The following NEBL variants were observed in gnomAD, a reference collection of about 807,000 sequenced individuals.
NEBL encodes the protein LIM and SH3 protein 2.
In NEBL, 122 loss-of-function variants were observed where a neutral mutation model predicts 140.2. That is an observed-to-expected ratio of 0.87 (90% CI 0.75 to 1.01). NEBL has a LOEUF of 1.01. Among genes scored for constraint, NEBL ranks in the 50% least tolerant of loss-of-function variants. The probability of loss-of-function intolerance (pLI) is 0.00; values close to 1 mark genes in which losing one functional copy is unlikely to be tolerated. For synonymous variants in NEBL, 436 were observed against 398.9 expected (o/e 1.09, Z -1.11); for missense variants, 1,365 against 1,231.3 (o/e 1.11, Z -1.62).
intron 2 of NEBL, among the ~76,000 whole-genome samples, chr10:21,112,287 A>C (rs1234442309): frequency 6.6e-6 from 1 of 152,218 alleles, no homozygotes; most frequent in Non-Finnish European, 1.5e-5. Context: ...AGACACATGC[A>C]CACATATGTT....
chr10:21,140,187 T>C (rs1589275595), intron 2 of NEBL, among the ~76,000 whole-genome samples: 1 of 151,802 alleles, frequency 6.6e-6, no homozygotes, highest in East Asian at 1.9e-4. Context: ...AATAATAATA[T>C]ATAAGGTGTA....
rs1564347222 is a variant in NEBL, at chr10:20,814,027, T to C, written c.2258A>G (p.Asp753Gly). 1.2e-6 allele frequency: 2 copies of C among 1,603,344 alleles called. No homozygotes were observed. Among genetic ancestry groups the C allele is most frequent in the Non-Finnish European group, 1.7e-6 (2 of 1,170,256 alleles). The change falls in exon 23 of 28, where the codon GAC (aspartate) becomes GGC (glycine). Residue 753 changes from aspartate to glycine, a missense_variant. Coordinates refer to ENST00000377122, the MANE Select transcript of NEBL (RefSeq NM_006393.3). ...ENISSVKYTQDHKQMKGRPSL... is the reference protein window; with the variant it reads ...ENISSVKYTQGHKQMKGRPSL... ...TGGTCTACCTTTCATCTGTTTATGG[T>C]CCTGGGTATATTTTACCTGCAAAGT...
intron 2 of NEBL, among the ~76,000 whole-genome samples, chr10:21,086,884 T>C (rs1836657091): frequency 6.6e-6 from 1 of 152,226 alleles, no homozygotes; most frequent in Non-Finnish European, 1.5e-5. Context: ...ATGTCTCTTA[T>C]GACTGCCACC....
At chr10:20,947,118 C>T (rs1835203638) in intron 4 of NEBL, among the ~76,000 whole-genome samples, 1 of 152,084 alleles carries the variant, frequency 6.6e-6, no homozygotes. Context: ...TTTGAATACA[C>T]CTTGAAAGTC....
chr10:21,179,467 A>G (rs371019620), upstream of NEBL, among the ~76,000 whole-genome samples: 44 of 151,854 alleles, frequency 2.9e-4, 1 homozygote, highest in South Asian at 7.3e-3. Flanking sequence ...ACCCCTACCA[A>G]TCAATGACCC....
chr10:20,985,781 C>T (rs1161305133), intron 3 of NEBL, among the ~76,000 whole-genome samples: 1 of 151,938 alleles, frequency 6.6e-6, no homozygotes, highest in Non-Finnish European at 1.5e-5. Flanking sequence ...TAAGTGAAAG[C>T]TATAACGAAA....
rs182910978 is a variant in NEBL, at chr10:21,195,926, A to G, written n.349-23449T>C. On this transcript the variant is annotated intron_variant and non_coding_transcript_variant, in intron 3 of 8. Transcript: ENST00000675702. Reference sequence around the variant, plus strand: ...CCCACAACCAAAATTAAAGCAATTGATTATACCAACACAAAACCCTCCAAA... The same window carrying G: ...CCCACAACCAAAATTAAAGCAATTGGTTATACCAACACAAAACCCTCCAAA... Among the ~76,000 whole-genome samples, 28 of 152,326 alleles carry G rather than the reference A, an allele frequency of 1.8e-4. No homozygotes were observed. The East Asian group carries it at 5.0e-3, about 27-fold the overall frequency.
upstream of NEBL, chr10:21,174,189 C>G (rs950357096): frequency 3.2e-6 from 1 of 313,760 alleles, no homozygotes; most frequent in Non-Finnish European, 4.7e-6. Context: ...CCGCGCAGGC[C>G]AAACCCACCG....
Position 20,813,982 on chromosome 10 carries a change from G to T in NEBL, c.2303C>A (p.Pro768His), listed in dbSNP as rs1263302476. Residue 768 changes from proline to histidine, a missense_variant, in exon 23 of 28, where the codon CCT becomes CAT. Pro to His is a moderately conservative substitution (Grantham distance 77). Around this residue, in one of 2 missense-constraint regions of NEBL, gnomAD observed 1,323 missense variants for 1,154.8 expected, o/e 1.15. Coordinates refer to ENST00000377122, the MANE Select transcript of NEBL (RefSeq NM_006393.3). ...TGCTTCTTTAACATGTCTCATAGCA[G>T]GTGTATCTAAAATCAGACTTGGTCT... Reference protein sequence around the residue: ...KGRPSLILDTPAMRHVKEAQN... With the variant: ...KGRPSLILDTHAMRHVKEAQN... 1.9e-6 allele frequency: 3 copies of T among 1,610,950 alleles called. No homozygotes were observed. The highest frequency in any genetic ancestry group is 2.5e-6 in the Non-Finnish European group (3 of 1,177,358).
chr10:21,171,253 T>G (rs1472893634), intron 2 of NEBL, among the ~76,000 whole-genome samples: 1 of 150,646 alleles, frequency 6.6e-6, no homozygotes, highest in Non-Finnish European at 1.5e-5. Flanking sequence ...AAGAATCGCT[T>G]GAACCTGGGA....
At chr10:21,278,989 C>T (rs1324114048) in intron 1 of NEBL, among the ~76,000 whole-genome samples, 1 of 152,194 alleles carries the variant, frequency 6.6e-6, no homozygotes, top group African/African-American at 2.4e-5. Flanking sequence ...TAGTTCATAG[C>T]CCCAGCGCCA....
intron 1 of NEBL, among the ~76,000 whole-genome samples, chr10:21,267,978 C>T (rs981015998): frequency 1.3e-5 from 2 of 152,070 alleles, no homozygotes; most frequent in African/African-American, 4.8e-5. Context: ...TGAATGATGC[C>T]CTCTTAGGTG....
intron 1 of NEBL, among the ~76,000 whole-genome samples, chr10:21,286,750 C>T (rs929071026): frequency 1.1e-4 from 17 of 151,806 alleles, no homozygotes; most frequent in East Asian, 1.9e-4. Flanking sequence ...AGGAGAATGG[C>T]GTGACGTGAA....
At chr10:20,948,796 G>T (rs1168267867) in intron 4 of NEBL, among the ~76,000 whole-genome samples, 2 of 152,198 alleles carry the variant, frequency 1.3e-5, no homozygotes, top group Non-Finnish European at 2.9e-5. Flanking sequence ...ATTTAATCTT[G>T]CAAGAGAACA....
At chr10:20,902,420 T>A (rs1001608123) in intron 4 of NEBL, among the ~76,000 whole-genome samples, 31 of 151,148 alleles carry the variant, frequency 2.1e-4, no homozygotes, top group African/African-American at 2.7e-4. Flanking sequence ...AAAAAAAAAA[T>A]TTAATAAGGT....
At chr10:21,100,511 C>T (rs1042905018) in intron 2 of NEBL, among the ~76,000 whole-genome samples, 4 of 152,140 alleles carry the variant, frequency 2.6e-5, no homozygotes, top group African/African-American at 4.8e-5. Flanking sequence ...AGGATGAGGC[C>T]GTCCAGTTTC....
At chr10:21,124,617 G>T (rs1182642685) in intron 2 of NEBL, among the ~76,000 whole-genome samples, 1 of 152,114 alleles carries the variant, frequency 6.6e-6, no homozygotes, top group African/African-American at 2.4e-5. Flanking sequence ...GTAGAGTTTG[G>T]AAAAGAGCAA....
At chr10:20,900,146 T>A (rs1847796551), upstream of NEBL, among the ~76,000 whole-genome samples, 4 of 152,190 alleles carry the variant, frequency 2.6e-5, no homozygotes, top group Admixed American at 2.6e-4. Context: ...AAAGGCAAAA[T>A]CTCTGTAGCT....
At chr10:20,848,283 A>C (rs918320941) in intron 11 of NEBL, among the ~76,000 whole-genome samples, 5 of 152,242 alleles carry the variant, frequency 3.3e-5, no homozygotes, top group African/African-American at 1.2e-4. Context: ...AAGGAAGAAA[A>C]GGTAATCTAG....
Sources: allele counts gnomAD v4.1 joint callset (sites outside exome capture counted in the v4.1 genomes callset), GRCh38; gene constraint gnomAD v4.1.1; regional missense constraint gnomAD v4.1.1; transcripts MANE v1.5; gene names NCBI Gene and HGNC (gene_info 2026-07-23, HGNC 2026-07-21).